The following CACNA1E variants were observed in gnomAD, a reference collection of about 807,000 sequenced individuals.
CACNA1E encodes calcium voltage-gated channel subunit alpha1 E.
CACNA1E carries 40 observed loss-of-function variants against 259.2 expected under a neutral mutation model. The ratio of observed to expected loss-of-function variants is 0.15; its 90% CI spans 0.12 to 0.20. CACNA1E has a LOEUF of 0.20. CACNA1E is among the 10% of genes least tolerant of loss of function. CACNA1E has a pLI of 1.00. For missense variants in CACNA1E, 1,874 were observed against 3,040.1 expected (o/e 0.62, Z 9.02); for synonymous variants, 1,104 against 1,138.5 (o/e 0.97, Z 0.61).
At chr1:181,594,005 C>T (rs1477528483) in intron 6 of CACNA1E, among the ~76,000 whole-genome samples, 1 of 152,132 alleles carries the variant, frequency 6.6e-6, no homozygotes, top group East Asian at 1.9e-4. Context: ...CAACTTGAAA[C>T]TGGATTTAAA....
At chr1:181,730,816 G>A (rs1464602087) in intron 18 of CACNA1E, among the ~76,000 whole-genome samples, 1 of 152,220 alleles carries the variant, frequency 6.6e-6, no homozygotes, top group Non-Finnish European at 1.5e-5. Context: ...AAACTACTCA[G>A]CAACATCTAC....
chr1:181,504,611 A>T (rs146236665), intron 1 of CACNA1E, among the ~76,000 whole-genome samples: 4 of 152,228 alleles, frequency 2.6e-5, no homozygotes, highest in Admixed American at 2.0e-4. Context: ...GCTCAGGCAG[A>T]TGAAGAGCTC....
chr1:181,798,798 CCTG>C lies in CACNA1E; in HGVS notation c.6909_6911del (p.Leu2304del), dbSNP rs748442296. 12 of 1,546,634 alleles carry C rather than the reference CCTG, an allele frequency of 7.8e-6. No individual in the cohort carries two copies. Among genetic ancestry groups the C allele is most frequent in the Non-Finnish European group, 9.6e-6 (11 of 1,146,312 alleles). ...GCATGATGTGTGGGGCTGTCAACAA[CCTG>C]CTAAGTGACACGGAAGAAGATGACA... On this transcript the variant is annotated inframe_deletion, in exon 48 of 48. Transcript: ENST00000367573. The surrounding 1 kb of genome is among the most constrained non-coding windows in gnomAD (Gnocchi z 4.2).
At chr1:181,361,970 A>T (rs1311797370) in intron 1 of CACNA1E, among the ~76,000 whole-genome samples, 1 of 152,244 alleles carries the variant, frequency 6.6e-6, no homozygotes, top group Non-Finnish European at 1.5e-5. Context: ...TTAAATGGCT[A>T]TCACATTGAT....
chr1:181,766,423 G>C, intron 34 of CACNA1E, 123 bp from the exon 35 acceptor site: 2 of 698,456 alleles, frequency 2.9e-6, no homozygotes, highest in Non-Finnish European at 5.2e-6. Context: ...CCAGGGAATA[G>C]GGAGTCCCAG....
chr1:181,327,066 T>C (rs1287869701), intron 1 of CACNA1E, among the ~76,000 whole-genome samples: 3 of 152,214 alleles, frequency 2.0e-5, no homozygotes, highest in Non-Finnish European at 2.9e-5. Flanking sequence ...GGTAGTGTTG[T>C]AACCGTCAGC....
At chr1:181,623,567 G>T (rs887818393) in intron 6 of CACNA1E, among the ~76,000 whole-genome samples, 16 of 152,134 alleles carry the variant, frequency 1.1e-4, no homozygotes, top group South Asian at 2.1e-4. Context: ...ACAATATATG[G>T]GCATACCTTG....
At chr1:181,717,382 C>G in intron 11 of CACNA1E, 80 bp downstream of exon 11, 1 of 1,147,472 alleles carries the variant, frequency 8.7e-7, no homozygotes, top group Non-Finnish European at 1.3e-6. Flanking sequence ...CGCAAGACAG[C>G]AAAGCACCCT....
At chr1:181,376,219 A>G (rs565748263) in intron 1 of CACNA1E, among the ~76,000 whole-genome samples, 1 of 152,320 alleles carries the variant, frequency 6.6e-6, no homozygotes, top group Admixed American at 6.5e-5. Flanking sequence ...GAGATATTTT[A>G]GGACAAACCT....
At chr1:181,494,571 A>G (rs1432617688) in intron 1 of CACNA1E, among the ~76,000 whole-genome samples, 1 of 152,216 alleles carries the variant, frequency 6.6e-6, no homozygotes, top group Non-Finnish European at 1.5e-5. Flanking sequence ...ACATTCATTG[A>G]GCATCTACCA....
chr1:181,351,221 G>A (rs1653019096), intron 1 of CACNA1E, among the ~76,000 whole-genome samples: 1 of 152,206 alleles, frequency 6.6e-6, no homozygotes. Context: ...GCCGTGGGGG[G>A]ATCCAGGCAG....
rs558572668 is a variant in CACNA1E, at chr1:181,647,025, T to A, written c.952-4313T>A. Among the ~76,000 whole-genome samples, 289 of 144,238 alleles carry A rather than the reference T, an allele frequency of 2.0e-3. 2 individuals carry two copies. Among genetic ancestry groups the A allele is most frequent in the African/African-American group, 7.0e-3 (277 of 39,794 alleles). 94.6% of individuals were successfully genotyped at this position (144,238 alleles called of 152,430 possible). A position where few individuals can be genotyped will look rare whatever the true frequency, so the allele number is the denominator to read the frequency against. On this transcript the variant is annotated intron_variant, in intron 6 of 47. Transcript: ENST00000367573. ...TCAGGGGATCGGCAGGTGAGGAAGA[T>A]GGAGAGCAGCCAGTGTGCCAGTCTA... is the stretch of plus-strand genomic sequence containing the variant.
At chr1:181,379,599 A>G (rs1240728062) in intron 1 of CACNA1E, among the ~76,000 whole-genome samples, 1 of 152,186 alleles carries the variant, frequency 6.6e-6, no homozygotes. Flanking sequence ...TTTCTGGCTT[A>G]TAGACAGTGC....
chr1:181,441,425 C>T (rs150190475), intron 2 of CACNA1E, among the ~76,000 whole-genome samples: 1,859 of 152,324 alleles, frequency 0.012, 36 homozygotes, highest in African/African-American at 0.039. Context: ...GCTGGGATTA[C>T]AGGCGTGAGC....
intron 3 of CACNA1E, among the ~76,000 whole-genome samples, chr1:181,515,100 C>G (rs572781707): frequency 1.3e-5 from 2 of 152,076 alleles, no homozygotes; most frequent in South Asian, 4.2e-4. Flanking sequence ...ACTTCACAAC[C>G]CCAAGGGCCC....
At chr1:181,489,137 C>G (rs551705470) in intron 1 of CACNA1E, among the ~76,000 whole-genome samples, 1 of 152,176 alleles carries the variant, frequency 6.6e-6, no homozygotes, top group Non-Finnish European at 1.5e-5. Context: ...GCAATCCAGT[C>G]CATCAATGGT....
intron 1 of CACNA1E, among the ~76,000 whole-genome samples, chr1:181,324,173 C>T (rs547488341): frequency 1.4e-4 from 21 of 152,170 alleles, no homozygotes; most frequent in Middle Eastern, 3.4e-3. Flanking sequence ...GAGCAATGAA[C>T]GAGACAGCCA....
Position 181,798,346 on chromosome 1 carries a change from C to T in CACNA1E, c.6454C>T (p.Pro2152Ser). 1 of 1,610,184 alleles carries T rather than the reference C, an allele frequency of 6.2e-7. No homozygotes were observed. The highest frequency in any genetic ancestry group is 8.5e-7 in the Non-Finnish European group (1 of 1,179,222). ...CCCCTCTGTCTCTGACACCAGCACC[C>T]CAAGAAGAAGTCGTCGGCAGCTCCC... ...SIPSVSDTST[P>S]RRSRRQLPPV... Residue 2152 changes from proline to serine, a missense_variant, in exon 48 of 48, where the codon CCA becomes TCA. This residue lies in a region of CACNA1E where 542 missense variants were observed against 587.2 expected (regional missense o/e 0.92). Transcript: ENST00000367573. This position sits in a 1 kb window ranked among gnomAD's most constrained non-coding sequence, Gnocchi z 4.2.
Position 181,737,435 on chromosome 1 carries a change from G to A in CACNA1E, c.3423-90G>A. 4 of 1,476,810 alleles carry A rather than the reference G, an allele frequency of 2.7e-6. No individual in the cohort carries two copies. In the South Asian group the frequency reaches 5.1e-5, roughly 19 times the overall value. The allele number at this position is 1,476,810 out of a possible 1,614,324, so 91.5% of individuals were successfully genotyped here. A position where few individuals can be genotyped will look rare whatever the true frequency, so the allele number is the denominator to read the frequency against. ...CCTTTGGCAAGGGCCTGGCTGTCTGGAAGGGGCCAATATGTGTATGTGGGA... is the reference window on the plus strand; with the variant it reads ...CCTTTGGCAAGGGCCTGGCTGTCTGAAAGGGGCCAATATGTGTATGTGGGA... On this transcript the variant is annotated intron_variant, in intron 22 of 47. Coordinates refer to ENST00000367573, the MANE Select transcript of CACNA1E (RefSeq NM_001205293.3).
Sources: allele counts gnomAD v4.1 joint callset (sites outside exome capture counted in the v4.1 genomes callset), GRCh38; gene constraint gnomAD v4.1.1; regional missense constraint gnomAD v4.1.1; non-coding constraint Gnocchi (gnomAD v3.1); transcripts MANE v1.5; gene names NCBI Gene and HGNC (gene_info 2026-07-23, HGNC 2026-07-21).